The following YWHAE variants were observed in gnomAD, a reference collection of about 807,000 sequenced individuals.
YWHAE encodes the protein tyrosine 3-monooxygenase/tryptophan 5-monooxygenase activation protein epsilon, also known as 14-3-3 protein epsilon.
A neutral mutation model predicts 30.1 loss-of-function variants in YWHAE; 4 were observed. The ratio of observed to expected loss-of-function variants is 0.13; its 90% confidence interval spans 0.07 to 0.30. The LOEUF (loss-of-function observed/expected upper bound fraction) is 0.30, where lower values mean the gene tolerates loss of function less well. Ranked by LOEUF, YWHAE falls within the 10% of genes least tolerant of loss-of-function variation. YWHAE has a pLI of 1.00. For synonymous variants in YWHAE, 118 were observed against 111.8 expected, an observed-to-expected ratio of 1.06 and a Z score of -0.35; for missense variants, 121 against 315.9, an observed-to-expected ratio of 0.38 and a Z score of 4.68.
intron 1 of YWHAE, among the ~76,000 whole-genome samples, chr17:1,384,812 T>C (rs1243051915): frequency 6.6e-6 from 1 of 151,854 alleles, no homozygotes; most frequent in Admixed American, 6.6e-5. Flanking sequence ...TTCAAGAGAT[T>C]CTCCTGCCTC....
chr17:1,388,113 GGTTGGTTTTTTTTTTTTT>G (rs2073332596), intron 1 of YWHAE, among the ~76,000 whole-genome samples: 1 of 35,124 alleles, frequency 2.8e-5, no homozygotes, highest in Admixed American at 3.9e-4. Flanking sequence ...TTTTTTTTTT[GGTTGGTTTTTTTTTTTTT>G]TTTTTTTTTT....
At chr17:1,359,020 C>A (rs990026668) in intron 4 of YWHAE, among the ~76,000 whole-genome samples, 5 of 151,808 alleles carry the variant, frequency 3.3e-5, no homozygotes, top group African/African-American at 9.7e-5. Context: ...CCTATAATCC[C>A]AGCTACTTTG....
chr17:1,388,313 A>G (rs1294585124), intron 1 of YWHAE, among the ~76,000 whole-genome samples: 1 of 150,626 alleles, frequency 6.6e-6, no homozygotes, highest in African/African-American at 2.4e-5. Flanking sequence ...TCAGGAGATC[A>G]AGACCATCCT....
chr17:1,356,286 T>C (rs763879608), intron 4 of YWHAE, among the ~76,000 whole-genome samples: 10 of 150,772 alleles, frequency 6.6e-5, no homozygotes, highest in Non-Finnish European at 1.3e-4. Context: ...GAAGAATCCC[T>C]TGAACCTGGG....
At chr17:1,393,162 AT>A (rs1190437078) in intron 1 of YWHAE, among the ~76,000 whole-genome samples, 2 of 150,516 alleles carry the variant, frequency 1.3e-5, no homozygotes, top group Admixed American at 6.6e-5. Flanking sequence ...AAATAAATAA[AT>A]AAATAAATAA....
chr17:1,344,399 A>C lies in YWHAE; in HGVS notation c.*1048T>G, dbSNP rs942738479. The C allele has an allele frequency of 7.4e-5, 13 of 176,130 alleles. No homozygotes were observed. Among genetic ancestry groups the C allele is most frequent in the African/African-American group, 2.8e-4 (12 of 42,198 alleles). 10.9% of individuals were successfully genotyped at this position (176,130 alleles called of 1,614,324 possible). On this transcript the variant is annotated 3_prime_UTR_variant, in exon 6 of 6. Coordinates refer to ENST00000264335, the MANE Select transcript of YWHAE (RefSeq NM_006761.5). ...CCAGACTACAGGCAATTTTTTTCCA[A>C]AACATACATCTTTGGGAAGCAAACA...
At chr17:1,376,378 A>C (rs529049882) in intron 1 of YWHAE, among the ~76,000 whole-genome samples, 60 of 139,556 alleles carry the variant, frequency 4.3e-4, no homozygotes, top group Middle Eastern at 3.5e-3. Flanking sequence ...GACAGACAGA[A>C]AGAAAGAAAA....
chr17:1,372,704 A>G (rs2073060277), intron 1 of YWHAE, among the ~76,000 whole-genome samples: 1 of 152,188 alleles, frequency 6.6e-6, no homozygotes, highest in South Asian at 2.1e-4. Context: ...TGTAATCCCA[A>G]TACTTTGGGA....
intron 1 of YWHAE, among the ~76,000 whole-genome samples, chr17:1,387,951 A>C (rs1273475725): frequency 5.5e-5 from 5 of 90,140 alleles, no homozygotes; most frequent in Non-Finnish European, 1.0e-4. Context: ...TTTTTGACGG[A>C]GTCTCACTCT....
chr17:1,363,186 T>C (rs2072889900), intron 2 of YWHAE, among the ~76,000 whole-genome samples: 1 of 152,208 alleles, frequency 6.6e-6, no homozygotes, highest in African/African-American at 2.4e-5. Flanking sequence ...TCTTGGCCCG[T>C]GGCTTCCTTT....
At chr17:1,348,229 A>G (rs1020137712) in intron 5 of YWHAE, among the ~76,000 whole-genome samples, 2 of 152,220 alleles carry the variant, frequency 1.3e-5, no homozygotes, top group Non-Finnish European at 2.9e-5. Flanking sequence ...ATATTAGGGG[A>G]AAAAGGATTC....
intron 1 of YWHAE, among the ~76,000 whole-genome samples, chr17:1,384,421 G>A (rs139402189): frequency 0.02 from 3,044 of 151,686 alleles, 54 homozygotes; most frequent in Non-Finnish European, 0.028. Context: ...ACCGGGCGCG[G>A]TGGCTCACGC....
intron 1 of YWHAE, among the ~76,000 whole-genome samples, chr17:1,390,454 C>T (rs1338428851): frequency 6.6e-6 from 1 of 152,150 alleles, no homozygotes; most frequent in African/African-American, 2.4e-5. Flanking sequence ...CCTAGCACAG[C>T]AGTAACAAAA....
At chr17:1,378,665 C>G (rs1046517198) in intron 1 of YWHAE, among the ~76,000 whole-genome samples, 2 of 152,252 alleles carry the variant, frequency 1.3e-5, no homozygotes, top group Non-Finnish European at 2.9e-5. Flanking sequence ...TCAGTACAGG[C>G]CAGGCACGGC....
In YWHAE at chr17:1,373,299, A is replaced by G. The variant is rs78024023; in HGVS notation, c.65-8241T>C. 1.8e-3 allele frequency among the ~76,000 whole-genome samples: 272 copies of G among 152,156 alleles called. 1 individual carries two copies. Among genetic ancestry groups the G allele is most frequent in the African/African-American group, 5.6e-3 (234 of 41,530 alleles). ...TCTATCAATTAATTTCCCTCAGTTCACGGATCCCCAAAACAATTACAATAG... is the reference window on the plus strand; with the variant it reads ...TCTATCAATTAATTTCCCTCAGTTCGCGGATCCCCAAAACAATTACAATAG... On this transcript the variant is annotated intron_variant, in intron 1 of 5. Transcript: ENST00000264335.
At position 1,354,097 on chromosome 17, in the gene YWHAE, G is replaced by A; in HGVS notation, c.715+114C>T. 3.0e-6 allele frequency: 4 copies of A among 1,331,014 alleles called. No homozygotes were observed. In the East Asian group the frequency reaches 7.1e-5, roughly 24 times the overall value. The allele number at this position is 1,331,014 out of a possible 1,614,324, so 82.5% of individuals were successfully genotyped here. A position where few individuals can be genotyped will look rare whatever the true frequency, so the allele number is the denominator to read the frequency against. ...AGCAATTACAATTTCATAGAGGGCA[G>A]GCGGTGAATCTAAATTCTAGCTTGA... is the stretch of plus-strand genomic sequence containing the variant. On this transcript the variant is annotated intron_variant, in intron 5 of 5. Coordinates refer to ENST00000264335, the MANE Select transcript of YWHAE (RefSeq NM_006761.5).
In YWHAE at chr17:1,354,204, TGCTTACCGTC is replaced by T; in HGVS notation, c.712_715+6del. ...AGAGGTGCCTGTTTCACTCCGTGCTTGCTTACCGTCACCCTGCATGTCTGAAGTCCATAGT... is the reference window on the plus strand; with the variant it reads ...AGAGGTGCCTGTTTCACTCCGTGCTTACCCTGCATGTCTGAAGTCCATAGT... On this transcript the variant is annotated splice_donor_variant and splice_donor_5th_base_variant and coding_sequence_variant and intron_variant, in exon 5 of 6. Coordinates refer to ENST00000264335, the MANE Select transcript of YWHAE (RefSeq NM_006761.5). LOFTEE classifies it high-confidence loss of function. 6.2e-7 allele frequency: 1 copy of T among 1,612,326 alleles called. No homozygotes were observed. The highest frequency in any genetic ancestry group is 8.5e-7 in the Non-Finnish European group (1 of 1,179,386).
intron 1 of YWHAE, among the ~76,000 whole-genome samples, chr17:1,389,539 T>G (rs1165150425): frequency 6.6e-6 from 1 of 151,692 alleles, no homozygotes; most frequent in Non-Finnish European, 1.5e-5. Context: ...CTTTCTTTTT[T>G]TTTTTTTTTG....
intron 1 of YWHAE, among the ~76,000 whole-genome samples, chr17:1,369,168 ATTTATAT>A (rs1227037944): frequency 9.2e-5 from 14 of 152,188 alleles, no homozygotes; most frequent in Non-Finnish European, 1.8e-4. Context: ...TAATACCTTT[ATTTATAT>A]ATAATTCCCC....
Sources: allele counts gnomAD v4.1 joint callset (sites outside exome capture counted in the v4.1 genomes callset), GRCh38; gene constraint gnomAD v4.1.1; transcripts MANE v1.5; gene names NCBI Gene and HGNC (gene_info 2026-07-23, HGNC 2026-07-21).